ARL3: variants seen among roughly 807,000 people sequenced by gnomAD.
ARL3 encodes ADP-ribosylation factor-like protein 3.
In ARL3, 9 loss-of-function variants were observed where a neutral mutation model predicts 26.0. That is an observed-to-expected ratio of 0.35 (90% CI 0.21 to 0.60). The LOEUF (loss-of-function observed/expected upper bound fraction) is 0.60. Ranked by LOEUF, ARL3 falls within the 20% of genes least tolerant of loss-of-function variation. The pLI is 0.78. For missense variants in ARL3, 158 were observed against 215.7 expected, an observed-to-expected ratio of 0.73 and a Z score of 1.67; for synonymous variants, 71 against 78.4, an observed-to-expected ratio of 0.91 and a Z score of 0.50.
intron 5 of ARL3, among the ~76,000 whole-genome samples, chr10:102,684,599 C>T (rs1267033908): frequency 3.3e-5 from 5 of 152,054 alleles, no homozygotes; most frequent in South Asian, 2.1e-4. Flanking sequence ...TATGTGCAAT[C>T]GGAGTAAAAT....
At chr10:102,703,491 T>C (rs2064291798) in intron 2 of ARL3, among the ~76,000 whole-genome samples, 1 of 134,332 alleles carries the variant, frequency 7.4e-6, no homozygotes, top group Admixed American at 8.6e-5. Flanking sequence ...TCGCCCAGGC[T>C]GGAGTGCAGT....
At chr10:102,690,506 G>A (rs1471568315) in intron 3 of ARL3, among the ~76,000 whole-genome samples, 1 of 151,688 alleles carries the variant, frequency 6.6e-6, no homozygotes, top group African/African-American at 2.4e-5. Context: ...GGCTGGTCTC[G>A]AACTCCTGAC....
Position 102,676,786 on chromosome 10 carries a change from C to G in ARL3, c.*108G>C. 1 of 1,175,232 alleles carries G rather than the reference C, an allele frequency of 8.5e-7. No homozygotes were observed. Among genetic ancestry groups the G allele is most frequent in the Non-Finnish European group, 1.2e-6 (1 of 801,750 alleles). 72.8% of individuals were successfully genotyped at this position (1,175,232 alleles called of 1,614,324 possible). On this transcript the variant is annotated 3_prime_UTR_variant, in exon 6 of 6. Coordinates refer to ENST00000260746, the MANE Select transcript of ARL3 (RefSeq NM_004311.4). ...CGTGTTGTTCCCTCTCTTCAAACAG[C>G]TGGAGCTGTACACAGATGGAAAAAC...
At chr10:102,699,069 A>G (rs542084493) in intron 3 of ARL3, among the ~76,000 whole-genome samples, 25 of 152,332 alleles carry the variant, frequency 1.6e-4, no homozygotes, top group African/African-American at 6.0e-4. Flanking sequence ...TAGGGGTGAC[A>G]GTCAGTGGCA....
chr10:102,693,405 T>C (rs1188406267), intron 3 of ARL3, among the ~76,000 whole-genome samples: 1 of 152,234 alleles, frequency 6.6e-6, no homozygotes, highest in Non-Finnish European at 1.5e-5. Context: ...TAATATGTAG[T>C]ACCATATTAT....
In ARL3 at chr10:102,675,203, C is replaced by A. The variant is rs760932319; in HGVS notation, c.*1691G>T. On this transcript the variant is annotated 3_prime_UTR_variant, in exon 6 of 6. Coordinates refer to ENST00000260746, the MANE Select transcript of ARL3 (RefSeq NM_004311.4). The stretch of plus-strand genomic sequence containing the variant: ...GCAGCTAGCTCTGAGGTTAAAAAAA[C>A]CCCTCACTTTCTTTTGTTTTGCAAG... The A allele has an allele frequency of 3.9e-5, 6 of 152,352 alleles. No individual in the cohort carries two copies. The highest frequency in any genetic ancestry group is 1.3e-4 in the Admixed American group (2 of 15,308). The allele number at this position is 152,352 out of a possible 1,614,324, so 9.4% of individuals were successfully genotyped here.
At chr10:102,687,575 C>T (rs1228132773) in intron 4 of ARL3, among the ~76,000 whole-genome samples, 1 of 151,970 alleles carries the variant, frequency 6.6e-6, no homozygotes, top group South Asian at 2.1e-4. Context: ...GTAGTCCCAA[C>T]TACTTGGGAG....
intron 1 of ARL3, among the ~76,000 whole-genome samples, chr10:102,711,348 AT>A (rs1564734814): frequency 1.3e-5 from 2 of 150,446 alleles, no homozygotes; most frequent in African/African-American, 2.4e-5. Flanking sequence ...ATATATATAT[AT>A]ATATGTATGT....
At chr10:102,681,589 T>C (rs2064156520) in intron 5 of ARL3, among the ~76,000 whole-genome samples, 1 of 152,088 alleles carries the variant, frequency 6.6e-6, no homozygotes, top group South Asian at 2.1e-4. Context: ...AAAGCCTATG[T>C]GACCTGCTCA....
intron 3 of ARL3, among the ~76,000 whole-genome samples, chr10:102,698,471 A>C (rs2064261559): frequency 1.3e-5 from 2 of 152,220 alleles, no homozygotes; most frequent in African/African-American, 4.8e-5. Context: ...ACTTTTGGTT[A>C]GAGGTTAGTA....
At chr10:102,695,919 AGTCTCACTCTTGTTG>A (rs1249489738) in intron 3 of ARL3, among the ~76,000 whole-genome samples, 1 of 150,552 alleles carries the variant, frequency 6.6e-6, no homozygotes, top group Admixed American at 6.6e-5. Context: ...TCTTAGAGAG[AGTCTCACTCTTGTTG>A]CCCAGGCTGG....
chr10:102,689,998 C>A, intron 3 of ARL3, 55 bp from the exon 4 acceptor site: 2 of 1,188,194 alleles, frequency 1.7e-6, no homozygotes, highest in Non-Finnish European at 1.2e-6. Context: ...AAAGACAGGG[C>A]AATTTCTGCA....
intron 3 of ARL3, among the ~76,000 whole-genome samples, chr10:102,695,661 G>A (rs2064243333): frequency 6.6e-6 from 1 of 151,968 alleles, no homozygotes; most frequent in Non-Finnish European, 1.5e-5. Context: ...TAGCTTACGG[G>A]CATGTGCCGC....
chr10:102,702,477 T>A, intron 2 of ARL3, among the ~76,000 whole-genome samples: 1 of 152,148 alleles, frequency 6.6e-6, no homozygotes, highest in African/African-American at 2.4e-5. Flanking sequence ...ATATGAAACC[T>A]TGACACAATA....
chr10:102,713,188 C>T (rs2064357335), intron 1 of ARL3, among the ~76,000 whole-genome samples: 1 of 150,960 alleles, frequency 6.6e-6, no homozygotes, highest in South Asian at 2.1e-4. Context: ...AGTTTGATGA[C>T]AGGCTCTTTG....
At chr10:102,706,659 C>T (rs1180684776) in intron 1 of ARL3, among the ~76,000 whole-genome samples, 1 of 151,980 alleles carries the variant, frequency 6.6e-6, no homozygotes, top group Non-Finnish European at 1.5e-5. Flanking sequence ...CAAAAACCCA[C>T]CAAAATTAAC....
intron 3 of ARL3, among the ~76,000 whole-genome samples, chr10:102,696,427 G>A (rs1012866869): frequency 6.6e-6 from 1 of 151,594 alleles, no homozygotes; most frequent in African/African-American, 2.4e-5. Flanking sequence ...ACCACGCCTG[G>A]CTAATTTTTT....
intron 4 of ARL3, 42 bp from the exon 5 acceptor site, chr10:102,686,043 T>C: frequency 2.0e-6 from 3 of 1,499,218 alleles, no homozygotes; most frequent in Non-Finnish European, 2.7e-6. Flanking sequence ...TTAAAATCTA[T>C]ACATCTATGA....
At position 102,676,581 on chromosome 10, in the gene ARL3, C is replaced by T; in HGVS notation, c.*313G>A. ...GGAAAAAAAAGCCCACTGGAATTGTCTAAACTGCAATGCAATCTCTTGCTC... is the reference window on the plus strand; with the variant it reads ...GGAAAAAAAAGCCCACTGGAATTGTTTAAACTGCAATGCAATCTCTTGCTC... On this transcript the variant is annotated 3_prime_UTR_variant, in exon 6 of 6. Transcript: ENST00000260746. 2 of 190,796 alleles carry T rather than the reference C, an allele frequency of 1.0e-5. No homozygotes were observed. Among genetic ancestry groups the T allele is most frequent in the Non-Finnish European group, 2.1e-5 (2 of 94,084 alleles). The allele number at this position is 190,796 out of a possible 1,614,324, so 11.8% of individuals were successfully genotyped here.
Sources: allele counts gnomAD v4.1 joint callset (sites outside exome capture counted in the v4.1 genomes callset), GRCh38; gene constraint gnomAD v4.1.1; transcripts MANE v1.5; gene names NCBI Gene and HGNC (gene_info 2026-07-23, HGNC 2026-07-21).